The following SNX3 variants were observed in gnomAD, a reference collection of about 807,000 sequenced individuals.
SNX3 encodes the protein sorting nexin-3.
A neutral mutation model predicts 17.7 loss-of-function variants in SNX3; 5 were observed. The ratio of observed to expected loss-of-function variants is 0.28; its 90% CI spans 0.15 to 0.59. The LOEUF is 0.59. Ranked by LOEUF, SNX3 falls within the 20% of genes least tolerant of loss-of-function variation. SNX3 has a pLI of 0.88. For synonymous variants in SNX3, 91 were observed against 76.5 expected, an observed-to-expected ratio of 1.19 and a Z score of -0.99; for missense variants, 132 against 206.8, an observed-to-expected ratio of 0.64 and a Z score of 2.22.
At chr6:108,213,063 T>A (rs1774456862) in intron 3 of SNX3, among the ~76,000 whole-genome samples, 2 of 151,720 alleles carry the variant, frequency 1.3e-5, no homozygotes, top group Non-Finnish European at 2.9e-5. Context: ...AATTTTTGTA[T>A]TTTTAGTAGA....
At chr6:108,224,248 G>A (rs1774909063) in intron 1 of SNX3, among the ~76,000 whole-genome samples, 2 of 152,012 alleles carry the variant, frequency 1.3e-5, no homozygotes, top group Admixed American at 1.3e-4. Context: ...GGACTGCAGG[G>A]TCATACCACT....
At chr6:108,244,177 G>A (rs1343742268) in intron 1 of SNX3, among the ~76,000 whole-genome samples, 2 of 151,700 alleles carry the variant, frequency 1.3e-5, no homozygotes, top group Non-Finnish European at 2.9e-5. Flanking sequence ...TTTATGAGAT[G>A]GTGGGTCTCA....
intron 1 of SNX3, among the ~76,000 whole-genome samples, chr6:108,257,094 TGAGACAGTAAC>T (rs1776053825): frequency 6.6e-6 from 1 of 152,224 alleles, no homozygotes; most frequent in Non-Finnish European, 1.5e-5. Context: ...AAGACCAGAA[TGAGACAGTAAC>T]TGTAAGATAG....
rs576328666 is a variant in SNX3 at position 108,221,940 on chromosome 6, AGAGATGG to A, written c.258+1003_258+1009del. ...TTTATTCATATTTAAAAATTTTGGAAGAGATGGGGCCTCACTATGTTCCCCAGGCTGG... is the reference window on the plus strand; with the variant it reads ...TTTATTCATATTTAAAAATTTTGGAAGGCCTCACTATGTTCCCCAGGCTGG... On this transcript the variant is annotated intron_variant, in intron 2 of 3. Transcript: ENST00000230085. 1.0e-3 allele frequency among the ~76,000 whole-genome samples: 155 copies of A among 152,248 alleles called. 1 individual carries two copies. The highest frequency in any genetic ancestry group is 4.8e-3 in the South Asian group (23 of 4,824).
intron 1 of SNX3, among the ~76,000 whole-genome samples, chr6:108,240,052 C>G (rs1775469647): frequency 6.6e-6 from 1 of 152,132 alleles, no homozygotes; most frequent in African/African-American, 2.4e-5. Context: ...AGAGTGAGCT[C>G]AACAGAGCGT....
intron 2 of SNX3, among the ~76,000 whole-genome samples, chr6:108,219,018 T>C (rs944198922): frequency 3.3e-5 from 5 of 152,336 alleles, no homozygotes; most frequent in East Asian, 1.9e-4. Context: ...AATGGGTGAA[T>C]TGCATGGTAT....
At chr6:108,230,571 G>C (rs911303353) in intron 1 of SNX3, among the ~76,000 whole-genome samples, 4 of 152,236 alleles carry the variant, frequency 2.6e-5, no homozygotes, top group African/African-American at 9.6e-5. Flanking sequence ...ATTTGTATAG[G>C]TATATACTAG....
intron 2 of SNX3, 56 bp from the exon 3 acceptor site, chr6:108,214,678 T>A: frequency 1.3e-6 from 2 of 1,569,720 alleles, no homozygotes; most frequent in Non-Finnish European, 1.7e-6. Flanking sequence ...TGAAAATTTA[T>A]AGAGCACAAC....
In SNX3 at chr6:108,246,313, C is replaced by CTTTTTTTTT. The variant is rs71015538; in HGVS notation, c.162+14438_162+14446dup. On this transcript the variant is annotated intron_variant, in intron 1 of 3. Coordinates refer to ENST00000230085, the MANE Select transcript of SNX3 (RefSeq NM_003795.6). ...AATTCTTAAAAGAGCTTTGAGCATTCTTTTTTTTTTTTTTTTTTTTTTTTT... is the reference window on the plus strand; with the variant it reads ...AATTCTTAAAAGAGCTTTGAGCATTCTTTTTTTTTTTTTTTTTTTTTTTTTTTTTTTTTT... Among the ~76,000 whole-genome samples the CTTTTTTTTT allele has an allele frequency of 1.1e-3, 52 of 47,986 alleles. 3 individuals carry two copies. Among genetic ancestry groups the CTTTTTTTTT allele is most frequent in the African/African-American group, 4.4e-3 (49 of 11,150 alleles). 31.5% of individuals were successfully genotyped at this position (47,986 alleles called of 152,430 possible).
chr6:108,231,990 G>A (rs1254569782), intron 1 of SNX3, among the ~76,000 whole-genome samples: 2 of 152,136 alleles, frequency 1.3e-5, no homozygotes, highest in Non-Finnish European at 2.9e-5. Flanking sequence ...GGAGAAATTC[G>A]GGGTAATGCT....
chr6:108,236,082 A>G (rs1005040870), intron 1 of SNX3, among the ~76,000 whole-genome samples: 4 of 152,200 alleles, frequency 2.6e-5, no homozygotes, highest in Non-Finnish European at 2.9e-5. Context: ...AAAATCAGCT[A>G]AAGTTTTTCT....
At chr6:108,236,781 AAT>A (rs1172294017) in intron 1 of SNX3, among the ~76,000 whole-genome samples, 3 of 152,242 alleles carry the variant, frequency 2.0e-5, no homozygotes, top group African/African-American at 7.2e-5. Context: ...ATGAATGTTT[AAT>A]AAGTCTAAAT....
chr6:108,246,497 T>G (rs952273279), intron 1 of SNX3, among the ~76,000 whole-genome samples: 3 of 150,944 alleles, frequency 2.0e-5, no homozygotes, highest in African/African-American at 7.3e-5. Flanking sequence ...ATTTTTTTTT[T>G]TTTTGTATTT....
chr6:108,229,147 C>T (rs1775060084), intron 1 of SNX3, among the ~76,000 whole-genome samples: 2 of 151,304 alleles, frequency 1.3e-5, no homozygotes, highest in African/African-American at 4.9e-5. Flanking sequence ...GTAATTCCTG[C>T]TACTCCGGAG....
intron 2 of SNX3, among the ~76,000 whole-genome samples, chr6:108,217,132 G>A (rs566972885): frequency 6.6e-6 from 1 of 151,842 alleles, no homozygotes; most frequent in Admixed American, 6.6e-5. Flanking sequence ...ATTAATTCAG[G>A]GTAGAATTTA....
intron 3 of SNX3, among the ~76,000 whole-genome samples, 188 bp from the exon 4 acceptor site, chr6:108,212,442 G>A (rs758493042): frequency 3.3e-5 from 5 of 151,998 alleles, no homozygotes; most frequent in Non-Finnish European, 7.4e-5. Flanking sequence ...GGGTTCAAGT[G>A]ATTTCGTGCC....
intron 1 of SNX3, among the ~76,000 whole-genome samples, chr6:108,253,082 TAAC>T (rs1200068394): frequency 6.6e-6 from 1 of 152,184 alleles, no homozygotes; most frequent in East Asian, 1.9e-4. Flanking sequence ...TATCTAATAA[TAAC>T]AGTCTACTAC....
chr6:108,242,757 G>C (rs1346456854), intron 1 of SNX3, among the ~76,000 whole-genome samples: 1 of 152,204 alleles, frequency 6.6e-6, no homozygotes, highest in African/African-American at 2.4e-5. Flanking sequence ...ACCAAGTTTT[G>C]TGAGTAGTCT....
intron 1 of SNX3, chr6:108,252,442 C>G (rs996729991): frequency 2.6e-5 from 4 of 152,352 alleles, no homozygotes; most frequent in African/African-American, 7.2e-5. Context: ...CTCGTCTGAT[C>G]TCAGAAGCTA....
Sources: gnomAD v4.1 joint callset for allele counts (sites outside exome capture counted in the v4.1 genomes callset) on GRCh38, gnomAD v4.1.1 for gene constraint, MANE v1.5 for transcripts, NCBI Gene and HGNC (gene_info 2026-07-23, HGNC 2026-07-21) for gene names.